The following NRG4 variants were observed in gnomAD, a reference collection of about 807,000 sequenced individuals.
NRG4 encodes the protein neuregulin 4.
Under a neutral mutation model 15.0 loss-of-function variants are expected in NRG4, and 10 were observed. The observed-to-expected ratio is 0.67, with a 90% CI of 0.41 to 1.13. The LOEUF (loss-of-function observed/expected upper bound fraction) is 1.13. Ranked by LOEUF, NRG4 falls within the 50% of genes most tolerant of loss-of-function variation. The pLI is 0.00. For missense variants in NRG4, 139 were observed against 140.2 expected (o/e 0.99, Z 0.04); for synonymous variants, 41 against 50.1 (o/e 0.82, Z 0.77).
chr15:76,017,603 T>G (rs1022379428), intron 5 of NRG4, among the ~76,000 whole-genome samples: 2 of 152,154 alleles, frequency 1.3e-5, no homozygotes, highest in African/African-American at 4.8e-5. Context: ...AGCTTAGTTT[T>G]GCTGGATATG....
Position 75,942,285 on chromosome 15 carries a change from A to G in NRG4, c.*1353T>C, listed in dbSNP as rs1368839620. On this transcript the variant is annotated 3_prime_UTR_variant, in exon 6 of 6. Coordinates refer to ENST00000394907, the MANE Select transcript of NRG4 (RefSeq NM_138573.4). ...ATCCATAAAGACATACAACAAAAAG[A>G]GGACCCTTCATGTAAATTACAGGCT... The G allele has an allele frequency of 6.6e-6, 1 of 152,214 alleles. No individual in the cohort carries two copies. The highest frequency in any genetic ancestry group is 2.4e-5 in the African/African-American group (1 of 41,450). The allele number at this position is 152,214 out of a possible 1,614,324, so 9.4% of individuals were successfully genotyped here. A position where few individuals can be genotyped will look rare whatever the true frequency, so the allele number is the denominator to read the frequency against.
chr15:75,973,259 A>C (rs566389717), intron 3 of NRG4, among the ~76,000 whole-genome samples: 1 of 152,328 alleles, frequency 6.6e-6, no homozygotes, highest in East Asian at 1.9e-4. Flanking sequence ...TTTCAGCTTA[A>C]GGAGATTTGG....
intron 4 of NRG4, among the ~76,000 whole-genome samples, chr15:76,038,436 GC>G (rs1200633598): frequency 6.6e-6 from 1 of 152,198 alleles, no homozygotes; most frequent in Non-Finnish European, 1.5e-5. Context: ...TAACTGAAGA[GC>G]CCTCAGGCCT....
chr15:75,978,993 T>G (rs1161824598), intron 3 of NRG4, among the ~76,000 whole-genome samples: 1 of 152,190 alleles, frequency 6.6e-6, no homozygotes, highest in Non-Finnish European at 1.5e-5. Context: ...TGCAGAATTG[T>G]TGGAGTTCCT....
downstream of NRG4, chr15:75,937,906 A>T (rs1307702264): frequency 1.3e-5 from 2 of 152,114 alleles, no homozygotes; most frequent in Non-Finnish European, 2.9e-5. Flanking sequence ...TGTAAACATA[A>T]AATAGAACAA....
At chr15:75,938,846 A>G (rs1020128626), downstream of NRG4, 2 of 152,190 alleles carry the variant, frequency 1.3e-5, no homozygotes, top group South Asian at 2.1e-4. Context: ...GAAAATTCAC[A>G]AACTTGTGGA....
intron 3 of NRG4, among the ~76,000 whole-genome samples, chr15:75,970,497 A>G (rs980950860): frequency 6.6e-6 from 1 of 152,260 alleles, no homozygotes; most frequent in South Asian, 2.1e-4. Flanking sequence ...GCCTTGGCCT[A>G]GGCAGCAGGG....
intron 4 of NRG4, among the ~76,000 whole-genome samples, chr15:76,041,553 A>T (rs779423417): frequency 6.6e-6 from 1 of 152,174 alleles, no homozygotes; most frequent in Non-Finnish European, 1.5e-5. Context: ...GACAAAATAG[A>T]TTCCATGACA....
downstream of NRG4, chr15:75,936,407 T>C (rs1204547114): frequency 6.6e-6 from 1 of 152,210 alleles, no homozygotes; most frequent in Non-Finnish European, 1.5e-5. Context: ...TACTTTAATA[T>C]TGACCCTATA....
rs1376149567 is a variant in NRG4, at chr15:76,047,753, T to A, written c.-105+4314A>T. Among the ~76,000 whole-genome samples, 3 of 150,794 alleles carry A rather than the reference T, an allele frequency of 2.0e-5. No individual in the cohort carries two copies. In the East Asian group the frequency reaches 5.8e-4, roughly 29 times the overall value. On this transcript the variant is annotated intron_variant, in intron 4 of 8. Transcript: ENST00000563910. ...TTACCTCAAAAAAAGTGAAAAAAAATAGTGTATAGTTGCAGTCTCTGCAAA... is the reference window on the plus strand; with the variant it reads ...TTACCTCAAAAAAAGTGAAAAAAAAAAGTGTATAGTTGCAGTCTCTGCAAA...
At chr15:75,945,143 C>G (rs2031410868) in intron 5 of NRG4, among the ~76,000 whole-genome samples, 1 of 152,024 alleles carries the variant, frequency 6.6e-6, no homozygotes, top group South Asian at 2.1e-4. Flanking sequence ...GATCTAATGG[C>G]AGGATTCTAT....
intron 3 of NRG4, among the ~76,000 whole-genome samples, chr15:75,983,795 C>G (rs1257769660): frequency 6.6e-6 from 1 of 151,768 alleles, no homozygotes; most frequent in East Asian, 1.9e-4. Flanking sequence ...TATGTAAAAC[C>G]TATATGAGGG....
intron 4 of NRG4, among the ~76,000 whole-genome samples, chr15:76,037,897 G>A (rs1483607149): frequency 6.6e-6 from 1 of 152,082 alleles, no homozygotes; most frequent in Non-Finnish European, 1.5e-5. Flanking sequence ...TTGCACCTTG[G>A]ACACCAGCTC....
intron 4 of NRG4, among the ~76,000 whole-genome samples, chr15:76,045,747 TAG>T (rs1270376511): frequency 2.0e-5 from 3 of 148,654 alleles, no homozygotes; most frequent in Admixed American, 1.3e-4. Context: ...CTAATGGAGG[TAG>T]AGAGTGGAAA....
At chr15:75,946,705 C>CA (rs2031541153) in intron 5 of NRG4, among the ~76,000 whole-genome samples, 1 of 152,176 alleles carries the variant, frequency 6.6e-6, no homozygotes, top group Admixed American at 6.5e-5. Context: ...ACCCATTAAA[C>CA]AGTAACTCCC....
chr15:75,970,264 C>T (rs2033028024), intron 3 of NRG4, among the ~76,000 whole-genome samples: 1 of 152,196 alleles, frequency 6.6e-6, no homozygotes. Context: ...TGAGACAACA[C>T]GTCCAATGAA....
chr15:76,007,156 G>A (rs899107791), intron 3 of NRG4, among the ~76,000 whole-genome samples: 1 of 152,066 alleles, frequency 6.6e-6, no homozygotes, highest in Admixed American at 6.6e-5. Context: ...AAGGCTAAAC[G>A]TCATTGAGTC....
intron 4 of NRG4, among the ~76,000 whole-genome samples, chr15:76,043,770 A>T (rs910443242): frequency 6.6e-6 from 1 of 152,250 alleles, no homozygotes; most frequent in Non-Finnish European, 1.5e-5. Context: ...CATTCTTCAC[A>T]GAAACAGAAG....
At chr15:75,951,958 C>T (rs2031926556) in intron 5 of NRG4, among the ~76,000 whole-genome samples, 1 of 152,130 alleles carries the variant, frequency 6.6e-6, no homozygotes, top group East Asian at 1.9e-4. Flanking sequence ...GCCTGAAGGA[C>T]TTCCTTTAAC....
Sources: gnomAD v4.1 joint callset for allele counts (sites outside exome capture counted in the v4.1 genomes callset) on GRCh38, gnomAD v4.1.1 for gene constraint, MANE v1.5 for transcripts, NCBI Gene and HGNC (gene_info 2026-07-23, HGNC 2026-07-21) for gene names.